The following WDR72 variants were observed in gnomAD, a reference collection of about 807,000 sequenced individuals.
WDR72 encodes WD repeat-containing protein 72.
In WDR72, 120 loss-of-function variants were observed where a neutral mutation model predicts 124.2. The ratio of observed to expected loss-of-function variants is 0.97; its 90% confidence interval spans 0.83 to 1.12. The LOEUF is 1.12. Among genes scored for constraint, WDR72 ranks in the 50% most tolerant of loss-of-function variants. The pLI is 0.00. For missense variants in WDR72, 1,387 were observed against 1,278.8 expected (o/e 1.08, Z -1.29); for synonymous variants, 452 against 441.7 (o/e 1.02, Z -0.29).
intron 14 of WDR72, among the ~76,000 whole-genome samples, chr15:53,644,974 C>T (rs78434728): frequency 1.2e-3 from 180 of 152,266 alleles, no homozygotes; most frequent in African/African-American, 4.3e-3. Context: ...TCTCTCACCA[C>T]TGCAGGGGTA....
chr15:53,697,246 T>A (rs555054295), intron 13 of WDR72, among the ~76,000 whole-genome samples: 2 of 152,302 alleles, frequency 1.3e-5, no homozygotes, highest in African/African-American at 4.8e-5. Context: ...TTATTGTCCA[T>A]GTGACAACCC....
intron 18 of WDR72, among the ~76,000 whole-genome samples, chr15:53,562,505 T>C (rs1894158369): frequency 6.6e-6 from 1 of 151,834 alleles, no homozygotes; most frequent in Non-Finnish European, 1.5e-5. Context: ...CTGATGCTGC[T>C]GGTCCAGGGA....
chr15:53,629,186 G>A (rs2014322276), intron 14 of WDR72, among the ~76,000 whole-genome samples: 1 of 144,130 alleles, frequency 6.9e-6, no homozygotes, highest in Non-Finnish European at 1.5e-5. Flanking sequence ...TGAGGAGAGA[G>A]ACAGCGAGAG....
rs548031438 is a variant in WDR72 at position 53,605,476 on chromosome 15, C to A, written c.2952+4037G>T. Among the ~76,000 whole-genome samples the A allele has an allele frequency of 4.6e-5, 7 of 152,296 alleles. No homozygotes were observed. The East Asian group carries it at 9.6e-4, about 21-fold the overall frequency. On this transcript the variant is annotated intron_variant, in intron 17 of 19. Coordinates refer to ENST00000360509, the MANE Select transcript of WDR72 (RefSeq NM_182758.4). Reference sequence around the variant, plus strand: ...TCTATGAAACAAACCTGCACTTATACCCCTCAACTTAAAATAAAAGTTTTA... The same window carrying A: ...TCTATGAAACAAACCTGCACTTATAACCCTCAACTTAAAATAAAAGTTTTA...
intron 16 of WDR72, among the ~76,000 whole-genome samples, chr15:53,612,396 G>C (rs752150275): frequency 6.6e-6 from 1 of 152,020 alleles, no homozygotes. Context: ...ACAGCGAAAG[G>C]GGTAGGGAGT....
chr15:53,710,389 A>C (rs2017499477), intron 9 of WDR72, among the ~76,000 whole-genome samples: 2 of 73,248 alleles, frequency 2.7e-5, no homozygotes. Flanking sequence ...AGAGAGAGAC[A>C]GAGAATGAGA....
At chr15:53,647,826 A>G (rs1182798587) in intron 14 of WDR72, among the ~76,000 whole-genome samples, 4 of 152,162 alleles carry the variant, frequency 2.6e-5, no homozygotes, top group African/African-American at 7.2e-5. Context: ...ATATCAATAT[A>G]TACATGGACA....
chr15:53,665,705 G>C lies in WDR72; in HGVS notation c.1829C>G (p.Ser610Ter). ...GGGAAGTACAGACTTCACAAGCTGT[G>C]AATCATCACAACAATTAAGAATAAT... ...ARIILNCCDD[S>*]QLVKSVLPIA... is the part of the protein sequence containing the mutation. Residue 610 changes from serine to a stop codon, truncating the protein, a stop_gained, in exon 14 of 20, where the codon TCA becomes TGA. Transcript: ENST00000360509. LOFTEE classifies it high-confidence loss of function. 1 of 1,613,868 alleles carries C rather than the reference G, an allele frequency of 6.2e-7. No homozygotes were observed. The highest frequency in any genetic ancestry group is 1.1e-5 in the South Asian group (1 of 91,062).
chr15:53,743,186 C>T (rs770902041), intron 1 of WDR72, among the ~76,000 whole-genome samples: 9 of 151,092 alleles, frequency 6.0e-5, no homozygotes, highest in South Asian at 2.1e-4. Context: ...TTCTTGGTGG[C>T]ATAATGAAAA....
intron 13 of WDR72, among the ~76,000 whole-genome samples, chr15:53,682,685 C>T (rs58604383): frequency 0.027 from 4,108 of 152,234 alleles, 107 homozygotes; most frequent in East Asian, 0.069. Flanking sequence ...GGCCAGACTC[C>T]TTGCTAAAGC....
rs557128345 is a variant in WDR72 at position 53,615,520 on chromosome 15, G to A, written c.2686C>T (p.Arg896Ter). The A allele has an allele frequency of 9.3e-6, 15 of 1,612,546 alleles. No individual in the cohort carries two copies. The South Asian group carries it at 1.4e-4, about 15-fold the overall frequency. The change falls in exon 15 of 20, where the codon CGA becomes TGA. Residue 896 changes from arginine (R) to a stop codon, truncating the protein, a stop_gained. Coordinates refer to ENST00000360509, the MANE Select transcript of WDR72 (RefSeq NM_182758.4). LOFTEE classifies it high-confidence loss of function. ...RGLENNCDSL[R>*]ESDTIVYLLS... ...AAATAAACTATAGTATCTGACTCTCGCAAAGAATCACAATTATTTTCCAAT... is the reference window on the plus strand; with the variant it reads ...AAATAAACTATAGTATCTGACTCTCACAAAGAATCACAATTATTTTCCAAT...
chr15:53,652,781 AT>A (rs1360528450), intron 14 of WDR72, among the ~76,000 whole-genome samples: 1 of 152,208 alleles, frequency 6.6e-6, no homozygotes, highest in Non-Finnish European at 1.5e-5. Context: ...ATAATAAGCC[AT>A]TTTAACCACA....
At chr15:53,725,480 C>T (rs1378571919) in intron 2 of WDR72, among the ~76,000 whole-genome samples, 1 of 152,184 alleles carries the variant, frequency 6.6e-6, no homozygotes, top group Non-Finnish European at 1.5e-5. Context: ...AGTTGAAAAG[C>T]TGTGTCCACA....
intron 18 of WDR72, among the ~76,000 whole-genome samples, chr15:53,596,574 A>T (rs2012784075): frequency 6.6e-6 from 1 of 152,180 alleles, no homozygotes; most frequent in Non-Finnish European, 1.5e-5. Flanking sequence ...CATTATGATT[A>T]GGGTATTCCT....
chr15:53,618,071 T>C (rs570569366), intron 14 of WDR72, among the ~76,000 whole-genome samples: 2 of 152,074 alleles, frequency 1.3e-5, no homozygotes, highest in African/African-American at 4.8e-5. Flanking sequence ...GGTAAATAAA[T>C]AATGTAAATG....
intron 18 of WDR72, among the ~76,000 whole-genome samples, chr15:53,593,751 G>C (rs78996719): frequency 0.01 from 1,548 of 151,622 alleles, 34 homozygotes; most frequent in African/African-American, 0.036. Flanking sequence ...GACAGAGTGA[G>C]GCACTGTGTC....
At chr15:53,609,437 G>T (rs1311325380) in intron 17 of WDR72, 76 bp downstream of exon 17, 4 of 1,285,748 alleles carry the variant, frequency 3.1e-6, no homozygotes, top group Non-Finnish European at 4.5e-6. Context: ...TGTATTTTCA[G>T]ATAGAGGGGG....
intron 14 of WDR72, among the ~76,000 whole-genome samples, chr15:53,637,345 T>A (rs577463913): frequency 2.0e-5 from 3 of 152,278 alleles, no homozygotes; most frequent in South Asian, 2.1e-4. Flanking sequence ...ATCATCTGAG[T>A]CTGGGGACCT....
intron 14 of WDR72, among the ~76,000 whole-genome samples, chr15:53,656,992 T>TG (rs1323897223): frequency 1.3e-5 from 2 of 151,802 alleles, no homozygotes; most frequent in African/African-American, 4.8e-5. Flanking sequence ...AGGCCTCGCA[T>TG]GGTGGCTCAT....
Sources: allele counts gnomAD v4.1 joint callset (sites outside exome capture counted in the v4.1 genomes callset), GRCh38; gene constraint gnomAD v4.1.1; transcripts MANE v1.5; gene names NCBI Gene and HGNC (gene_info 2026-07-23, HGNC 2026-07-21).